The following ZDHHC14 variants were observed in gnomAD, a reference collection of about 807,000 sequenced individuals.
ZDHHC14 encodes palmitoyltransferase ZDHHC14.
A neutral mutation model predicts 47.7 loss-of-function variants in ZDHHC14; 16 were observed. That is an observed-to-expected ratio of 0.34 (90% CI 0.23 to 0.51). ZDHHC14 has a LOEUF of 0.51. ZDHHC14 is among the 20% of genes least tolerant of loss of function. The pLI is 0.97. For synonymous variants in ZDHHC14, 293 were observed against 278.9 expected (o/e 1.05, Z -0.50); for missense variants, 515 against 662.5 (o/e 0.78, Z 2.44).
At chr6:157,504,195 T>TAA (rs1562451703) in intron 1 of ZDHHC14, among the ~76,000 whole-genome samples, 1 of 151,854 alleles carries the variant, frequency 6.6e-6, no homozygotes, top group African/African-American at 2.4e-5. Context: ...TATATATATT[T>TAA]TTTTTTTGTT....
chr6:157,492,488 A>G (rs1247783528), intron 1 of ZDHHC14, among the ~76,000 whole-genome samples: 4 of 152,234 alleles, frequency 2.6e-5, no homozygotes, highest in Admixed American at 6.5e-5. Context: ...CAGCACAGCC[A>G]GTTCCAGAAT....
chr6:157,635,651 A>C (rs1222061700), intron 5 of ZDHHC14, among the ~76,000 whole-genome samples: 1 of 152,186 alleles, frequency 6.6e-6, no homozygotes, highest in Non-Finnish European at 1.5e-5. Flanking sequence ...ACACGTCTGC[A>C]CGCTGCATGG....
chr6:157,544,684 G>A (rs34271341), intron 2 of ZDHHC14, among the ~76,000 whole-genome samples: 63,289 of 151,392 alleles, frequency 0.42, 13,229 homozygotes, highest in Admixed American at 0.46. Flanking sequence ...CCAAAAAATA[G>A]AATAGTGAGA....
intron 1 of ZDHHC14, among the ~76,000 whole-genome samples, chr6:157,480,274 CT>C (rs368547618): frequency 2.8e-3 from 278 of 99,790 alleles, no homozygotes; most frequent in East Asian, 0.018. Context: ...TTTTTTTTTG[CT>C]TTTTTTTTTT....
intron 2 of ZDHHC14, among the ~76,000 whole-genome samples, chr6:157,577,984 T>C (rs953090686): frequency 5.3e-5 from 8 of 152,278 alleles, no homozygotes; most frequent in Non-Finnish European, 1.2e-4. Context: ...GTTAACCACA[T>C]GTATATCTTC....
chr6:157,653,221 G>C (rs1384691403), intron 7 of ZDHHC14, among the ~76,000 whole-genome samples: 3 of 152,318 alleles, frequency 2.0e-5, no homozygotes, highest in Non-Finnish European at 4.4e-5. Flanking sequence ...ATGGTGACAG[G>C]TGGGGGTGAG....
chr6:157,528,556 C>A (rs916192745), intron 1 of ZDHHC14, among the ~76,000 whole-genome samples: 68 of 152,018 alleles, frequency 4.5e-4, no homozygotes, highest in Non-Finnish European at 7.5e-4. Context: ...ATGGTGAAAC[C>A]CTGTCTCTAC....
chr6:157,637,945 A>T (rs1183509302), intron 5 of ZDHHC14, among the ~76,000 whole-genome samples: 2 of 152,196 alleles, frequency 1.3e-5, no homozygotes, highest in African/African-American at 4.8e-5. Context: ...GGAAACATTG[A>T]TACACTGAAA....
intron 8 of ZDHHC14, among the ~76,000 whole-genome samples, chr6:157,666,110 A>G (rs959201): frequency 0.42 from 63,172 of 152,130 alleles, 14,455 homozygotes; most frequent in African/African-American, 0.61. Context: ...TTTTTAGTGT[A>G]CACACTTCAT....
intron 1 of ZDHHC14, among the ~76,000 whole-genome samples, chr6:157,520,359 T>C (rs34409270): frequency 0.71 from 108,693 of 152,162 alleles, 39,218 homozygotes; most frequent in African/African-American, 0.79. Flanking sequence ...GATTACCTGG[T>C]AGTCACAGTT....
intron 1 of ZDHHC14, among the ~76,000 whole-genome samples, chr6:157,488,296 C>A (rs1227312341): frequency 1.3e-5 from 2 of 152,202 alleles, no homozygotes; most frequent in Non-Finnish European, 2.9e-5. Flanking sequence ...GCCTGGGAAT[C>A]TCCTGGCAGG....
At chr6:157,411,771 A>AG (rs1456488322) in intron 1 of ZDHHC14, among the ~76,000 whole-genome samples, 6 of 139,082 alleles carry the variant, frequency 4.3e-5, no homozygotes, top group African/African-American at 1.6e-4. Flanking sequence ...AAAAAAAAAA[A>AG]TTAAAGCTTT....
intron 1 of ZDHHC14, among the ~76,000 whole-genome samples, chr6:157,410,004 G>A (rs1474339007): frequency 6.6e-6 from 1 of 152,018 alleles, no homozygotes; most frequent in Admixed American, 6.6e-5. Context: ...GCTAATTTTT[G>A]TGTTTTTAGT....
chr6:157,469,515 A>G (rs1779305403), intron 1 of ZDHHC14, among the ~76,000 whole-genome samples: 1 of 152,180 alleles, frequency 6.6e-6, no homozygotes, highest in Non-Finnish European at 1.5e-5. Context: ...GTGGTTACAA[A>G]CAACTCCAAA....
At chr6:157,403,381 CACTGATGTTT>C (rs1777682769) in intron 1 of ZDHHC14, among the ~76,000 whole-genome samples, 1 of 152,114 alleles carries the variant, frequency 6.6e-6, no homozygotes, top group Non-Finnish European at 1.5e-5. Flanking sequence ...ATGAAATAGT[CACTGATGTTT>C]ATTTTCTTTA....
intron 7 of ZDHHC14, 53 bp from the exon 8 acceptor site, chr6:157,653,472 A>G (rs636169): frequency 0.94 from 1,503,823 of 1,596,808 alleles, 708,406 homozygotes; most frequent in East Asian, 1. Context: ...GTGCTGCTGC[A>G]TCTCTGGCTT....
chr6:157,553,008 G>A (rs1376396941), intron 2 of ZDHHC14, among the ~76,000 whole-genome samples: 2 of 152,196 alleles, frequency 1.3e-5, no homozygotes, highest in East Asian at 3.9e-4. Flanking sequence ...AGGGACCAGT[G>A]CAGTGGGGTT....
intron 1 of ZDHHC14, among the ~76,000 whole-genome samples, chr6:157,537,999 T>C (rs559626642): frequency 1.2e-4 from 19 of 152,342 alleles, no homozygotes; most frequent in Admixed American, 1.0e-3. Context: ...TCTATGCTTT[T>C]TCTAAGCAGC....
At position 157,672,795 on chromosome 6, in the gene ZDHHC14, C is replaced by G. The variant is rs147327945; in HGVS notation, c.1140C>G (p.Ser380Arg). 3 of 1,612,576 alleles carry G rather than the reference C, an allele frequency of 1.9e-6. No individual in the cohort carries two copies. The highest frequency in any genetic ancestry group is 2.5e-6 in the Non-Finnish European group (3 of 1,179,820). Reference protein sequence around the residue: ...LQAAATPLLQSEPSLTSDELH... With the variant: ...LQAAATPLLQREPSLTSDELH... ...CTGCAGCCACGCCCCTGCTGCAGAG[C>G]GAGCCCAGCCTCACCAGCGACGAGC... Residue 380 changes from serine to arginine, a missense_variant, in exon 9 of 9, where the codon AGC becomes AGG. Transcript: ENST00000359775.
Sources: gnomAD v4.1 joint callset for allele counts (sites outside exome capture counted in the v4.1 genomes callset) on GRCh38, gnomAD v4.1.1 for gene constraint, MANE v1.5 for transcripts, NCBI Gene and HGNC (gene_info 2026-07-23, HGNC 2026-07-21) for gene names.